The following FAM167B variants were observed in gnomAD, a reference collection of about 807,000 sequenced individuals.
FAM167B encodes protein FAM167B.
A neutral mutation model predicts 15.4 loss-of-function variants in FAM167B; 7 were observed. The ratio of observed to expected loss-of-function variants is 0.46; its 90% CI spans 0.26 to 0.86. The LOEUF is 0.86. Ranked by LOEUF, FAM167B falls within the 40% of genes least tolerant of loss-of-function variation. The pLI, the probability that FAM167B is intolerant of heterozygous loss-of-function variation, is 0.17. For synonymous variants in FAM167B, 100 were observed against 94.6 expected (o/e 1.06, Z -0.33); for missense variants, 207 against 208.3 (o/e 0.99, Z 0.04).
chr1:32,247,489 G>A lies in FAM167B; in HGVS notation c.68G>A (p.Ser23Asn), dbSNP rs770666613. The A allele has an allele frequency of 1.0e-5, 16 of 1,606,246 alleles. No individual in the cohort carries two copies. The highest frequency in any genetic ancestry group is 1.3e-5 in the African/African-American group (1 of 74,668). ...GACGAGGAGGATGAGGAGGGGGAGA[G>A]CCTGGACTCTGTGAAGGCACTGACA... is the stretch of plus-strand genomic sequence containing the variant. Reference protein sequence around the residue: ...EEDEEDEEGESLDSVKALTAK... With the variant: ...EEDEEDEEGENLDSVKALTAK... The change falls in exon 1 of 2, where the codon AGC becomes AAC. Residue 23 changes from serine to asparagine, a missense_variant. Ser to Asn is a conservative substitution (Grantham distance 46, BLOSUM62 1). Coordinates refer to ENST00000373582, the MANE Select transcript of FAM167B (RefSeq NM_032648.3).
chr1:32,248,309 A>G, intron 1 of FAM167B, 62 bp from the exon 2 acceptor site: 2 of 1,392,052 alleles, frequency 1.4e-6, no homozygotes, highest in East Asian at 2.5e-5. Context: ...GTTGCCAGGA[A>G]GGGAGAAACG....
At position 32,247,689 on chromosome 1, in the gene FAM167B, C is replaced by G. The variant is rs551437124; in HGVS notation, c.261+7C>G. On this transcript the variant is annotated splice_region_variant and intron_variant, in intron 1 of 1. Transcript: ENST00000373582. The stretch of plus-strand genomic sequence containing the variant: ...GTGGCTCCGACGGGAGCTGGTGAGT[C>G]TGGTGGGGTGGGCAGCTTTGCCCAG... The G allele has an allele frequency of 6.9e-7, 1 of 1,459,038 alleles. No individual in the cohort carries two copies. Among genetic ancestry groups the G allele is most frequent in the African/African-American group, 1.4e-5 (1 of 69,166 alleles). The allele number at this position is 1,459,038 out of a possible 1,614,324, so 90.4% of individuals were successfully genotyped here.
rs111379049 is a variant in FAM167B at position 32,248,661 on chromosome 1, C to T, written c.*60C>T. 5.7e-6 allele frequency: 8 copies of T among 1,404,336 alleles called. No individual in the cohort carries two copies. The African/African-American group carries it at 1.0e-4, about 18-fold the overall frequency. 87.0% of individuals were successfully genotyped at this position (1,404,336 alleles called of 1,614,324 possible). ...TCCCAATGCCGCTTCCCCTGCCTGC[C>T]TGGGAAGAGGAAAGGGAGGGGTGCC... On this transcript the variant is annotated 3_prime_UTR_variant, in exon 2 of 2. Transcript: ENST00000373582.
rs2124288013 is a variant in FAM167B, at chr1:32,248,842, T to G, written c.*241T>G. ...CACCCTCAAACTCCTCAATAAACGC[T>G]TTCTCTGGTTCCCATCAAGGTCTCT... On this transcript the variant is annotated 3_prime_UTR_variant, in exon 2 of 2. Coordinates refer to ENST00000373582, the MANE Select transcript of FAM167B (RefSeq NM_032648.3). The G allele has an allele frequency of 1.8e-6, 1 of 566,384 alleles. No individual in the cohort carries two copies. The highest frequency in any genetic ancestry group is 4.6e-4 in the Middle Eastern group (1 of 2,152). The allele number at this position is 566,384 out of a possible 1,614,324, so 35.1% of individuals were successfully genotyped here.
rs892741323 is a variant in FAM167B, at chr1:32,247,313, G to A, written c.-109G>A. 7 of 1,401,958 alleles carry A rather than the reference G, an allele frequency of 5.0e-6. No individual in the cohort carries two copies. The Admixed American group carries it at 1.9e-4, about 38-fold the overall frequency. 86.8% of individuals were successfully genotyped at this position (1,401,958 alleles called of 1,614,324 possible). On this transcript the variant is annotated 5_prime_UTR_variant, in exon 1 of 2. Transcript: ENST00000373582. Reference sequence around the variant, plus strand: ...AACATTGACCACCACACACTCCCTGGCACGCTCTTCTCACCCTCAACTTCT... The same window carrying A: ...AACATTGACCACCACACACTCCCTGACACGCTCTTCTCACCCTCAACTTCT...
rs963575251 is a variant in FAM167B at position 32,247,824 on chromosome 1, C to G, written c.261+142C>G. The stretch of plus-strand genomic sequence containing the variant: ...GCTCCGGTGTCCTGGGCTGAGGAGC[C>G]GGGAATGGACTTGTCCAGTGTTGTA... On this transcript the variant is annotated intron_variant, in intron 1 of 1. Transcript: ENST00000373582. 3 of 701,026 alleles carry G rather than the reference C, an allele frequency of 4.3e-6. No individual in the cohort carries two copies. The East Asian group carries it at 9.6e-5, about 22-fold the overall frequency. The allele number at this position is 701,026 out of a possible 1,614,324, so 43.4% of individuals were successfully genotyped here. A position where few individuals can be genotyped will look rare whatever the true frequency, so the allele number is the denominator to read the frequency against.
At position 32,247,500 on chromosome 1, in the gene FAM167B, G is replaced by T. The variant is rs1167383352; in HGVS notation, c.79G>T (p.Val27Leu). Reference protein sequence around the residue: ...EDEEGESLDSVKALTAKLQLQ... With the variant: ...EDEEGESLDSLKALTAKLQLQ... The stretch of plus-strand genomic sequence containing the variant: ...TGAGGAGGGGGAGAGCCTGGACTCT[G>T]TGAAGGCACTGACAGCCAAGCTGCA... The change falls in exon 1 of 2, where the codon GTG (valine) becomes TTG (leucine). Residue 27 changes from valine to leucine, a missense_variant. By Grantham distance (32) the Val-to-Leu change is conservative (BLOSUM62 1). Coordinates refer to ENST00000373582, the MANE Select transcript of FAM167B (RefSeq NM_032648.3). The T allele has an allele frequency of 1.2e-5, 19 of 1,607,692 alleles. No homozygotes were observed. The highest frequency in any genetic ancestry group is 1.6e-5 in the Non-Finnish European group (19 of 1,176,986).
chr1:32,247,813 G>A, intron 1 of FAM167B, 131 bp downstream of exon 1: 1 of 843,572 alleles, frequency 1.2e-6, no homozygotes, highest in South Asian at 2.9e-5. Flanking sequence ...CGGTGTCCTG[G>A]GCTGAGGAGC....
In FAM167B at chr1:32,248,422, C is replaced by G; in HGVS notation, c.313C>G (p.Arg105Gly). The change falls in exon 2 of 2, where the codon CGG becomes GGG. Residue 105 changes from arginine (R) to glycine (G), a missense_variant. Transcript: ENST00000373582. Reference protein sequence around the residue: ...RQLAGQLLRLRAQLHRLKMDQ... With the variant: ...RQLAGQLLRLGAQLHRLKMDQ... The stretch of plus-strand genomic sequence containing the variant: ...GCTGGCAGGGCAGCTGCTGCGGCTG[C>G]GGGCCCAGCTGCACCGACTGAAGAT... The G allele has an allele frequency of 6.2e-7, 1 of 1,600,690 alleles. No homozygotes were observed. The highest frequency in any genetic ancestry group is 8.5e-7 in the Non-Finnish European group (1 of 1,177,018).
Position 32,247,314 on chromosome 1 carries a change from C to T in FAM167B, c.-108C>T. 2 of 1,407,292 alleles carry T rather than the reference C, an allele frequency of 1.4e-6. No homozygotes were observed. Among genetic ancestry groups the T allele is most frequent in the Admixed American group, 2.7e-5 (1 of 37,374 alleles). The allele number at this position is 1,407,292 out of a possible 1,614,324, so 87.2% of individuals were successfully genotyped here. A position where few individuals can be genotyped will look rare whatever the true frequency, so the allele number is the denominator to read the frequency against. ...ACATTGACCACCACACACTCCCTGGCACGCTCTTCTCACCCTCAACTTCTG... is the reference window on the plus strand; with the variant it reads ...ACATTGACCACCACACACTCCCTGGTACGCTCTTCTCACCCTCAACTTCTG... On this transcript the variant is annotated 5_prime_UTR_variant, in exon 1 of 2. Coordinates refer to ENST00000373582, the MANE Select transcript of FAM167B (RefSeq NM_032648.3).
chr1:32,248,572 A>G lies in FAM167B; in HGVS notation c.463A>G (p.Ile155Val), dbSNP rs1299835990. 4 of 1,545,292 alleles carry G rather than the reference A, an allele frequency of 2.6e-6. No homozygotes were observed. The highest frequency in any genetic ancestry group is 3.5e-6 in the Non-Finnish European group (4 of 1,147,258). ...GCACCTGGGCCTCACGCGCATGAAC[A>G]TCAGCGCCCGGCGCTTCACCCTCTG... is the stretch of plus-strand genomic sequence containing the variant. ...LRHLGLTRMN[I>V]SARRFTLC The change falls in exon 2 of 2, where the codon ATC becomes GTC. Residue 155 changes from isoleucine (I) to valine (V), a missense_variant. Coordinates refer to ENST00000373582, the MANE Select transcript of FAM167B (RefSeq NM_032648.3).
chr1:32,247,979 C>T (rs572083808), intron 1 of FAM167B, among the ~76,000 whole-genome samples: 1 of 152,304 alleles, frequency 6.6e-6, no homozygotes, highest in African/African-American at 2.4e-5. Context: ...ACAGCCTCCC[C>T]TACTCTGGGA....
In FAM167B at chr1:32,247,338, T is replaced by C; in HGVS notation, c.-84T>C. ...GCACGCTCTTCTCACCCTCAACTTC[T>C]GCCACCTCTCCCTGGGCAATACTGC... On this transcript the variant is annotated 5_prime_UTR_variant, in exon 1 of 2. Coordinates refer to ENST00000373582, the MANE Select transcript of FAM167B (RefSeq NM_032648.3). 6.9e-7 allele frequency: 1 copy of C among 1,449,424 alleles called. No homozygotes were observed. The highest frequency in any genetic ancestry group is 9.1e-7 in the Non-Finnish European group (1 of 1,097,536). 89.8% of individuals were successfully genotyped at this position (1,449,424 alleles called of 1,614,324 possible). A position where few individuals can be genotyped will look rare whatever the true frequency, so the allele number is the denominator to read the frequency against.
rs769220266 is a variant in FAM167B, at chr1:32,247,320, C to G, written c.-102C>G. 1.9e-5 allele frequency: 27 copies of G among 1,432,656 alleles called. No homozygotes were observed. The highest frequency in any genetic ancestry group is 2.3e-5 in the Non-Finnish European group (25 of 1,083,444). The allele number at this position is 1,432,656 out of a possible 1,614,324, so 88.7% of individuals were successfully genotyped here. On this transcript the variant is annotated 5_prime_UTR_variant, in exon 1 of 2. Transcript: ENST00000373582. ...ACCACCACACACTCCCTGGCACGCTCTTCTCACCCTCAACTTCTGCCACCT... is the reference window on the plus strand; with the variant it reads ...ACCACCACACACTCCCTGGCACGCTGTTCTCACCCTCAACTTCTGCCACCT...
Position 32,248,461 on chromosome 1 carries a change from C to T in FAM167B, c.352C>T (p.His118Tyr), listed in dbSNP as rs771034172. Reference sequence around the variant, plus strand: ...CCGACTGAAGATGGACCAAGCCTGTCACCTGCACCAGGAGCTGCTGGATGA... The same window carrying T: ...CCGACTGAAGATGGACCAAGCCTGTTACCTGCACCAGGAGCTGCTGGATGA... ...LHRLKMDQAC[H>Y]LHQELLDEAE... The change falls in exon 2 of 2, where the codon CAC (histidine) becomes TAC (tyrosine). Residue 118 changes from histidine (H) to tyrosine (Y), a missense_variant. By Grantham distance (83) the His-to-Tyr change is moderately conservative (BLOSUM62 2). Transcript: ENST00000373582. 4 of 1,606,050 alleles carry T rather than the reference C, an allele frequency of 2.5e-6. No homozygotes were observed. The South Asian group carries it at 3.3e-5, about 13-fold the overall frequency.
Position 32,248,514 on chromosome 1 carries a change from CG to C in FAM167B, c.409del (p.Ala137ProfsTer3). On this transcript the variant is annotated frameshift_variant, in exon 2 of 2. Coordinates refer to ENST00000373582, the MANE Select transcript of FAM167B (RefSeq NM_032648.3). LOFTEE classifies it high-confidence loss of function. Reference sequence around the variant, plus strand: ...CCGAGCTGGAGCTGGAGCTGGAGCCCGGGGCCGGCCTAGCCCTGGCCCCGCT... The same window carrying C: ...CCGAGCTGGAGCTGGAGCTGGAGCCCGGGCCGGCCTAGCCCTGGCCCCGCT... ...EAELELELEP[G>X]AGLALAPLLR... The C allele has an allele frequency of 1.3e-5, 21 of 1,576,916 alleles. No homozygotes were observed. Among genetic ancestry groups the C allele is most frequent in the Non-Finnish European group, 1.5e-5 (17 of 1,163,540 alleles).
At position 32,248,705 on chromosome 1, in the gene FAM167B, G is replaced by C; in HGVS notation, c.*104G>C. On this transcript the variant is annotated 3_prime_UTR_variant, in exon 2 of 2. Coordinates refer to ENST00000373582, the MANE Select transcript of FAM167B (RefSeq NM_032648.3). ...GGGTGCCCCAGAGGCACCAGCTCCT[G>C]GCGGGGGAGGAGGAACATTCAGGTT... 1 of 1,001,732 alleles carries C rather than the reference G, an allele frequency of 1.0e-6. No individual in the cohort carries two copies. The highest frequency in any genetic ancestry group is 2.6e-5 in the East Asian group (1 of 37,876). The allele number at this position is 1,001,732 out of a possible 1,614,324, so 62.1% of individuals were successfully genotyped here. A position where few individuals can be genotyped will look rare whatever the true frequency, so the allele number is the denominator to read the frequency against.
chr1:32,247,326 A>C lies in FAM167B; in HGVS notation c.-96A>C. The C allele has an allele frequency of 1.4e-6, 2 of 1,437,338 alleles. No individual in the cohort carries two copies. The highest frequency in any genetic ancestry group is 1.6e-5 in the South Asian group (1 of 62,928). 89.0% of individuals were successfully genotyped at this position (1,437,338 alleles called of 1,614,324 possible). A position where few individuals can be genotyped will look rare whatever the true frequency, so the allele number is the denominator to read the frequency against. ...ACACACTCCCTGGCACGCTCTTCTC[A>C]CCCTCAACTTCTGCCACCTCTCCCT... On this transcript the variant is annotated 5_prime_UTR_variant, in exon 1 of 2. Coordinates refer to ENST00000373582, the MANE Select transcript of FAM167B (RefSeq NM_032648.3).
In FAM167B at chr1:32,248,717, G is replaced by A. The variant is rs1286468146; in HGVS notation, c.*116G>A. On this transcript the variant is annotated 3_prime_UTR_variant, in exon 2 of 2. Coordinates refer to ENST00000373582, the MANE Select transcript of FAM167B (RefSeq NM_032648.3). ...GGCACCAGCTCCTGGCGGGGGAGGA[G>A]GAACATTCAGGTTTCTGAGAGCTGA... The A allele has an allele frequency of 1.1e-6, 1 of 899,872 alleles. No homozygotes were observed. Among genetic ancestry groups the A allele is most frequent in the African/African-American group, 1.7e-5 (1 of 59,416 alleles). The allele number at this position is 899,872 out of a possible 1,614,324, so 55.7% of individuals were successfully genotyped here.
Sources: gnomAD v4.1 joint callset for allele counts (sites outside exome capture counted in the v4.1 genomes callset) on GRCh38, gnomAD v4.1.1 for gene constraint, MANE v1.5 for transcripts, NCBI Gene and HGNC (gene_info 2026-07-23, HGNC 2026-07-21) for gene names.